Variants in RBFOX3 observed in about 807,000 individuals in gnomAD.
RBFOX3 encodes RNA binding fox-1 homolog 3.
A neutral mutation model predicts 48.7 loss-of-function variants in RBFOX3; 17 were observed. The ratio of observed to expected loss-of-function variants is 0.35; its 90% CI spans 0.24 to 0.52. The LOEUF is 0.52. RBFOX3 is among the 20% of genes least tolerant of loss of function. RBFOX3 has a pLI of 0.94. For missense variants in RBFOX3, 382 were observed against 497.5 expected, an observed-to-expected ratio of 0.77 and a Z score of 2.21; for synonymous variants, 212 against 209.5, an observed-to-expected ratio of 1.01 and a Z score of -0.10.
rs573458498 is a variant in RBFOX3 at position 79,176,632 on chromosome 17, G to T, written c.-34+59134C>A. 2.0e-5 allele frequency among the ~76,000 whole-genome samples: 3 copies of T among 152,346 alleles called. No homozygotes were observed. In the East Asian group the frequency reaches 5.8e-4, roughly 29 times the overall value. On this transcript the variant is annotated intron_variant, in intron 4 of 14. Transcript: ENST00000693108. ...ACACAGCCCCCGACAAGCCAAGTCT[G>T]CCTGGTGGATGGGTTGGCTGGAGGG...
chr17:79,337,880 TG>T (rs2081437625), intron 2 of RBFOX3, among the ~76,000 whole-genome samples: 3 of 152,108 alleles, frequency 2.0e-5, no homozygotes, highest in Admixed American at 2.0e-4. Flanking sequence ...GTGGCAGGCA[TG>T]TGTCTCTTTT....
chr17:79,217,989 G>T (rs1276271194), intron 4 of RBFOX3, among the ~76,000 whole-genome samples: 2 of 152,054 alleles, frequency 1.3e-5, no homozygotes, highest in Non-Finnish European at 2.9e-5. Flanking sequence ...GCGGGGCTGG[G>T]GCTGGGCCTG....
chr17:79,177,213 C>A (rs1303698038), intron 4 of RBFOX3, among the ~76,000 whole-genome samples: 2 of 152,114 alleles, frequency 1.3e-5, no homozygotes, highest in African/African-American at 4.8e-5. Flanking sequence ...CTCCTCTCCC[C>A]CCCCGCCCTC....
intron 1 of RBFOX3, among the ~76,000 whole-genome samples, chr17:79,591,314 A>C (rs1386207823): frequency 6.6e-6 from 1 of 152,116 alleles, no homozygotes; most frequent in Non-Finnish European, 1.5e-5. Context: ...GGCTTCCTTC[A>C]TCTCAAAACT....
intron 6 of RBFOX3, among the ~76,000 whole-genome samples, chr17:79,105,406 A>C (rs975106477): frequency 6.6e-6 from 1 of 152,204 alleles, no homozygotes; most frequent in Admixed American, 6.5e-5. Flanking sequence ...GGTCCCCTGC[A>C]GGGGGCATCC....
intron 3 of RBFOX3, among the ~76,000 whole-genome samples, chr17:79,261,275 A>T (rs573188505): frequency 6.6e-6 from 1 of 152,328 alleles, no homozygotes; most frequent in Admixed American, 6.5e-5. Context: ...AGAGCCCAGG[A>T]CAGGGCCTGG....
At chr17:79,537,938 C>T (rs1288528890) in intron 1 of RBFOX3, among the ~76,000 whole-genome samples, 1 of 152,274 alleles carries the variant, frequency 6.6e-6, no homozygotes, top group East Asian at 1.9e-4. Flanking sequence ...GTCCACACCC[C>T]CCGAGGAGAT....
the RBFOX3 span, among the ~76,000 whole-genome samples, chr17:79,652,415 C>A: frequency 6.7e-6 from 1 of 150,036 alleles, no homozygotes; most frequent in South Asian, 2.1e-4. Context: ...CAGTGCACTC[C>A]AGCTGGGGTG....
At chr17:79,335,682 G>A (rs1337581722) in intron 2 of RBFOX3, among the ~76,000 whole-genome samples, 1 of 152,254 alleles carries the variant, frequency 6.6e-6, no homozygotes, top group African/African-American at 2.4e-5. Flanking sequence ...CTACAACCAC[G>A]CTGGGTCTGG....
intron 3 of RBFOX3, among the ~76,000 whole-genome samples, chr17:79,251,490 C>A (rs1263278021): frequency 6.6e-6 from 1 of 152,214 alleles, no homozygotes; most frequent in Non-Finnish European, 1.5e-5. Context: ...CTGGGCACAA[C>A]CCTTCCCCCT....
At chr17:79,194,283 A>T (rs551790478) in intron 4 of RBFOX3, among the ~76,000 whole-genome samples, 1 of 152,154 alleles carries the variant, frequency 6.6e-6, no homozygotes, top group South Asian at 2.1e-4. Flanking sequence ...ATTCCGAGCA[A>T]GGGGGTTCTG....
At chr17:79,549,904 C>T (rs2090965176) in intron 1 of RBFOX3, among the ~76,000 whole-genome samples, 2 of 152,118 alleles carry the variant, frequency 1.3e-5, no homozygotes, top group South Asian at 4.2e-4. Flanking sequence ...AGCAGTTTAC[C>T]TAAAAAACCT....
Position 79,115,703 on chromosome 17 carries a change from A to AC in RBFOX3, c.12_13insG (p.Tyr5ValfsTer129). On this transcript the variant is annotated frameshift_variant, in exon 5 of 15. Coordinates refer to ENST00000693108, the MANE Select transcript of RBFOX3 (RefSeq NM_001350451.2). LOFTEE classifies it high-confidence loss of function. ...GGAGGGGGGTACTGGGCGGGGGGGT[A>AC]GGGCTGGGCCATCGCTTCAGGCGGA... 2 of 383,550 alleles carry AC rather than the reference A, an allele frequency of 5.2e-6. No homozygotes were observed. The highest frequency in any genetic ancestry group is 4.8e-6 in the Non-Finnish European group (1 of 207,122). The allele number at this position is 383,550 out of a possible 1,614,324, so 23.8% of individuals were successfully genotyped here.
At chr17:79,217,883 G>T (rs1216428043) in intron 4 of RBFOX3, among the ~76,000 whole-genome samples, 4 of 152,176 alleles carry the variant, frequency 2.6e-5, no homozygotes, top group African/African-American at 9.7e-5. Flanking sequence ...GCTTAGGGAG[G>T]AGCCGGAAGG....
the RBFOX3 span, among the ~76,000 whole-genome samples, chr17:79,656,773 G>GA: frequency 1.2e-4 from 10 of 83,668 alleles, no homozygotes; most frequent in South Asian, 8.5e-4. Context: ...AAGGAAGGAA[G>GA]GAAGGAAAGA....
the RBFOX3 span, among the ~76,000 whole-genome samples, chr17:79,619,053 G>C: frequency 6.6e-6 from 1 of 152,192 alleles, no homozygotes; most frequent in Non-Finnish European, 1.5e-5. Context: ...TATGTTTGTG[G>C]ATGCTAAGAC....
At chr17:79,458,513 G>T (rs1197574922) in intron 2 of RBFOX3, among the ~76,000 whole-genome samples, 1 of 152,094 alleles carries the variant, frequency 6.6e-6, no homozygotes, top group African/African-American at 2.4e-5. Context: ...GTTATCACAT[G>T]TGCAGCATCG....
At chr17:79,190,769 G>A (rs753801531) in intron 4 of RBFOX3, among the ~76,000 whole-genome samples, 7 of 152,190 alleles carry the variant, frequency 4.6e-5, no homozygotes, top group East Asian at 1.9e-4. Flanking sequence ...AGCCACTGCC[G>A]CTCCCTGTAG....
At position 79,300,983 on chromosome 17, in the gene RBFOX3, C is replaced by T. The variant is rs552627337; in HGVS notation, c.-74+6741G>A. Reference sequence around the variant, plus strand: ...CAGGGCTGACGCAGGGCCCTGACTCCGGCCTTGACTTTGGGAGAACATGCC... The same window carrying T: ...CAGGGCTGACGCAGGGCCCTGACTCTGGCCTTGACTTTGGGAGAACATGCC... On this transcript the variant is annotated intron_variant, in intron 3 of 14. Coordinates refer to ENST00000693108, the MANE Select transcript of RBFOX3 (RefSeq NM_001350451.2). Among the ~76,000 whole-genome samples, 141 of 152,324 alleles carry T rather than the reference C, an allele frequency of 9.3e-4. 1 individual carries two copies. Among genetic ancestry groups the T allele is most frequent in the African/African-American group, 3.0e-3 (124 of 41,562 alleles).
Sources: gnomAD v4.1 joint callset for allele counts (sites outside exome capture counted in the v4.1 genomes callset) on GRCh38, gnomAD v4.1.1 for gene constraint, MANE v1.5 for transcripts, NCBI Gene and HGNC (gene_info 2026-07-23, HGNC 2026-07-21) for gene names.